Variants in LRMDA observed in about 807,000 individuals in gnomAD.
The protein encoded by LRMDA is leucine-rich melanocyte differentiation-associated protein.
A neutral mutation model predicts 29.8 loss-of-function variants in LRMDA; 18 were observed. The observed-to-expected ratio is 0.60, with a 90% CI of 0.42 to 0.90. LRMDA has a LOEUF of 0.90. LRMDA is among the 40% of genes least tolerant of loss of function. LRMDA has a pLI of 0.00. For missense variants in LRMDA, 273 were observed against 273.9 expected (o/e 1.00, Z 0.02); for synonymous variants, 125 against 109.4 (o/e 1.14, Z -0.89).
intron 2 of LRMDA, among the ~76,000 whole-genome samples, chr10:75,672,761 G>A (rs1462963350): frequency 4.0e-5 from 6 of 150,072 alleles, no homozygotes; most frequent in African/African-American, 7.4e-5. Context: ...CAGTAGAGAC[G>A]GGGTTTCATC....
intron 5 of LRMDA, among the ~76,000 whole-genome samples, chr10:76,238,159 A>G (rs1039095985): frequency 1.3e-5 from 2 of 152,100 alleles, no homozygotes; most frequent in Admixed American, 6.6e-5. Flanking sequence ...GTTAATATTC[A>G]GAGAGGCCTA....
At chr10:75,928,381 G>A (rs538205219) in intron 2 of LRMDA, among the ~76,000 whole-genome samples, 2 of 152,000 alleles carry the variant, frequency 1.3e-5, no homozygotes, top group East Asian at 1.9e-4. Flanking sequence ...TTAAAAGGCC[G>A]GCAGCTGCAT....
At chr10:75,984,994 A>G (rs1847239053) in intron 2 of LRMDA, among the ~76,000 whole-genome samples, 1 of 152,226 alleles carries the variant, frequency 6.6e-6, no homozygotes, top group Non-Finnish European at 1.5e-5. Flanking sequence ...GCCTAGGTAC[A>G]TAGGCTTTAT....
At chr10:75,841,363 T>A (rs1844538138) in intron 2 of LRMDA, among the ~76,000 whole-genome samples, 1 of 152,194 alleles carries the variant, frequency 6.6e-6, no homozygotes, top group South Asian at 2.1e-4. Context: ...CTATGTTTTG[T>A]CTGTGTGAAT....
At position 75,609,770 on chromosome 10, in the gene LRMDA, T is replaced by C. The variant is rs188980236; in HGVS notation, c.131+171276T>C. Among the ~76,000 whole-genome samples the C allele has an allele frequency of 2.6e-5, 4 of 152,296 alleles. No homozygotes were observed. The East Asian group carries it at 7.7e-4, about 29-fold the overall frequency. ...TGGAACCAGGCTGCGATATGCGTGCTCTGTGTGGTCCTGTTGTGGGAGCAG... is the reference window on the plus strand; with the variant it reads ...TGGAACCAGGCTGCGATATGCGTGCCCTGTGTGGTCCTGTTGTGGGAGCAG... On this transcript the variant is annotated intron_variant, in intron 2 of 6. Transcript: ENST00000611255.
intron 2 of LRMDA, among the ~76,000 whole-genome samples, chr10:75,517,344 C>T (rs558899581): frequency 6.6e-6 from 1 of 152,116 alleles, no homozygotes; most frequent in African/African-American, 2.4e-5. Context: ...CTTGAATGTT[C>T]TTCCATTTGT....
intron 5 of LRMDA, among the ~76,000 whole-genome samples, chr10:76,319,961 A>T (rs2132392115): frequency 6.6e-6 from 1 of 152,312 alleles, no homozygotes; most frequent in Non-Finnish European, 1.5e-5. Flanking sequence ...AGTCTGCCAA[A>T]TCTCTCCTCC....
intron 2 of LRMDA, among the ~76,000 whole-genome samples, chr10:75,484,159 T>C (rs1589156693): frequency 6.6e-6 from 1 of 152,184 alleles, no homozygotes; most frequent in Admixed American, 6.5e-5. Flanking sequence ...TTTTGCTGTG[T>C]TGCCCAGGCT....
chr10:76,416,488 GT>G (rs1345990690), intron 6 of LRMDA, among the ~76,000 whole-genome samples: 1 of 152,030 alleles, frequency 6.6e-6, no homozygotes, highest in Non-Finnish European at 1.5e-5. Flanking sequence ...TTTTTCCCAG[GT>G]TAGTTATGAA....
chr10:76,443,671 G>T, intron 6 of LRMDA, among the ~76,000 whole-genome samples: 1 of 152,104 alleles, frequency 6.6e-6, no homozygotes, highest in East Asian at 1.9e-4. Flanking sequence ...GTTCCCTCTA[G>T]ACATGGTAGG....
intron 6 of LRMDA, chr10:76,396,661 C>T: frequency 6.6e-6 from 1 of 152,172 alleles, no homozygotes; most frequent in East Asian, 1.9e-4. Flanking sequence ...CTCCGCACCA[C>T]TAGAACTGAC....
At chr10:76,135,953 G>T (rs1850086986) in intron 5 of LRMDA, among the ~76,000 whole-genome samples, 1 of 152,108 alleles carries the variant, frequency 6.6e-6, no homozygotes, top group South Asian at 2.1e-4. Flanking sequence ...TATTACCCAA[G>T]AACTTTAATT....
At chr10:75,881,995 G>C (rs936122186) in intron 2 of LRMDA, among the ~76,000 whole-genome samples, 4 of 152,336 alleles carry the variant, frequency 2.6e-5, no homozygotes, top group East Asian at 1.9e-4. Flanking sequence ...GGATTTTCCT[G>C]ATGAAGTGTT....
At chr10:75,436,788 A>G (rs1844268915) in intron 1 of LRMDA, among the ~76,000 whole-genome samples, 1 of 152,154 alleles carries the variant, frequency 6.6e-6, no homozygotes, top group East Asian at 1.9e-4. Context: ...CTGACTGAGC[A>G]GAGATCCTGA....
At chr10:75,506,208 G>A (rs1845166837) in intron 2 of LRMDA, among the ~76,000 whole-genome samples, 1 of 152,116 alleles carries the variant, frequency 6.6e-6, no homozygotes, top group Non-Finnish European at 1.5e-5. Context: ...CCCAAACATA[G>A]ACTCTCAGGA....
At position 75,524,445 on chromosome 10, in the gene LRMDA, G is replaced by C. The variant is rs80105315; in HGVS notation, c.131+85951G>C. Among the ~76,000 whole-genome samples the C allele has an allele frequency of 4.7e-4, 71 of 152,236 alleles. 1 individual carries two copies. The highest frequency in any genetic ancestry group is 1.5e-3 in the African/African-American group (63 of 41,532). ...ACCTGTAATTTAGGGTCTTGGTGAT[G>C]ATTTAGGGTCTTGGTGATGTAATTT... On this transcript the variant is annotated intron_variant, in intron 2 of 6. Coordinates refer to ENST00000611255, the MANE Select transcript of LRMDA (RefSeq NM_001305581.2).
intron 6 of LRMDA, among the ~76,000 whole-genome samples, chr10:76,434,667 G>A (rs114489716): frequency 0.013 from 1,906 of 152,186 alleles, 33 homozygotes; most frequent in African/African-American, 0.043. Context: ...TTTACCATTG[G>A]CCAGGCTCTG....
chr10:75,692,753 C>T (rs548059248), intron 2 of LRMDA, among the ~76,000 whole-genome samples: 6 of 152,010 alleles, frequency 3.9e-5, no homozygotes, highest in South Asian at 2.1e-4. Context: ...GCTGTGTTTC[C>T]GGCATCCCTA....
chr10:75,911,428 C>T (rs774300429), intron 2 of LRMDA, among the ~76,000 whole-genome samples: 1 of 152,192 alleles, frequency 6.6e-6, no homozygotes, highest in Non-Finnish European at 1.5e-5. Context: ...CTAGGGGCTC[C>T]AGAAAGGTAG....
Sources: gnomAD v4.1 joint callset for allele counts (sites outside exome capture counted in the v4.1 genomes callset) on GRCh38, gnomAD v4.1.1 for gene constraint, MANE v1.5 for transcripts, NCBI Gene and HGNC (gene_info 2026-07-23, HGNC 2026-07-21) for gene names.